Variants in ABCB5 observed in about 807,000 individuals in gnomAD.
The protein encoded by ABCB5 is ATP-binding cassette sub-family B member 5.
ABCB5 carries 155 observed loss-of-function variants against 144.2 expected under a neutral mutation model. The observed-to-expected ratio is 1.08, with a 90% CI of 0.94 to 1.23. The LOEUF is 1.23. Ranked by LOEUF, ABCB5 falls within the 50% of genes most tolerant of loss-of-function variation. The pLI, the probability that ABCB5 is intolerant of heterozygous loss-of-function variation, is 0.00. For synonymous variants in ABCB5, 610 were observed against 528.6 expected (o/e 1.15, Z -2.11); for missense variants, 1,830 against 1,520.8 (o/e 1.20, Z -3.38).
Position 20,700,045 on chromosome 7 carries a change from G to T in ABCB5, c.2260-13G>T. On this transcript the variant is annotated splice_polypyrimidine_tract_variant and intron_variant, in intron 18 of 27. Transcript: ENST00000404938. Reference sequence around the variant, plus strand: ...AGGAAAAGAACGTAGATTTTTGTTTGTTTGCTTTTCAGGGATTATTTTACG... The same window carrying T: ...AGGAAAAGAACGTAGATTTTTGTTTTTTTGCTTTTCAGGGATTATTTTACG... 1 of 1,612,194 alleles carries T rather than the reference G, an allele frequency of 6.2e-7. No homozygotes were observed. The highest frequency in any genetic ancestry group is 8.5e-7 in the Non-Finnish European group (1 of 1,179,164).
intron 22 of ABCB5, 40 bp downstream of exon 22, chr7:20,727,180 G>A (rs779347632): frequency 6.7e-7 from 1 of 1,485,750 alleles, no homozygotes; most frequent in South Asian, 1.2e-5. Context: ...ACTTAATTTT[G>A]TTCTGTAAAG....
chr7:20,704,840 T>C lies in ABCB5; in HGVS notation c.2421+33T>C, dbSNP rs766739404. ...TATTGTTTTTATTGTAAATGATGTA[T>C]GTATGTGGTGTGCACACATGCAATG... On this transcript the variant is annotated intron_variant, in intron 20 of 27. Transcript: ENST00000404938. The C allele has an allele frequency of 3.9e-6, 6 of 1,551,706 alleles. No individual in the cohort carries two copies. The Admixed American group carries it at 8.4e-5, about 22-fold the overall frequency.
intron 16 of ABCB5, among the ~76,000 whole-genome samples, chr7:20,690,104 A>G (rs1314087056): frequency 1.3e-5 from 2 of 152,212 alleles, no homozygotes; most frequent in Non-Finnish European, 2.9e-5. Context: ...TAGATTTCAG[A>G]GCCCATTAAC....
chr7:20,741,100 C>T (rs1262459307), intron 24 of ABCB5, among the ~76,000 whole-genome samples: 92 of 134,366 alleles, frequency 6.8e-4, no homozygotes, highest in Non-Finnish European at 1.2e-3. Flanking sequence ...GAGACTCCTT[C>T]TCAAAAAAAA....
chr7:20,738,859 G>A (rs1782470396), intron 23 of ABCB5, 124 bp from the exon 24 acceptor site: 4 of 1,089,120 alleles, frequency 3.7e-6, no homozygotes, highest in Admixed American at 3.5e-5. Context: ...GGTCTTCAGC[G>A]TTAGGGGTGC....
rs573859288 is a variant in ABCB5 at position 20,705,476 on chromosome 7, G to T, written c.2421+669G>T. ...AAAATTCACCTTTGTACAACAAATG[G>T]GATCTTAACTGAGAAAAGCAGCAGA... On this transcript the variant is annotated intron_variant, in intron 20 of 27. Coordinates refer to ENST00000404938, the MANE Select transcript of ABCB5 (RefSeq NM_001163941.2). 4.0e-4 allele frequency among the ~76,000 whole-genome samples: 61 copies of T among 152,052 alleles called. 1 individual carries two copies. Among genetic ancestry groups the T allele is most frequent in the African/African-American group, 1.4e-3 (57 of 41,492 alleles).
Position 20,643,356 on chromosome 7 carries a change from C to CT in ABCB5, c.489dup (p.Asn164Ter), listed in dbSNP as rs767702759. The CT allele has an allele frequency of 5.6e-6, 9 of 1,613,850 alleles. No homozygotes were observed. The African/African-American group carries it at 1.2e-4, about 22-fold the overall frequency. The stretch of plus-strand genomic sequence containing the variant: ...GTTTGATAGCTGTGACATCGGTGAA[C>CT]TTAACACTCGCATGACAGAGTAAGA... On this transcript the variant is annotated frameshift_variant, in exon 6 of 28. Coordinates refer to ENST00000404938, the MANE Select transcript of ABCB5 (RefSeq NM_001163941.2). LOFTEE classifies it high-confidence loss of function.
chr7:20,682,714 C>T (rs2128039421), intron 15 of ABCB5, among the ~76,000 whole-genome samples: 1 of 152,290 alleles, frequency 6.6e-6, no homozygotes, highest in South Asian at 2.1e-4. Context: ...TCAATAAACA[C>T]TTGCTGAATG....
At position 20,640,821 on chromosome 7, in the gene ABCB5, T is replaced by G. The variant is rs150974510; in HGVS notation, c.315-2363T>G. Among the ~76,000 whole-genome samples, 9 of 152,288 alleles carry G rather than the reference T, an allele frequency of 5.9e-5. No homozygotes were observed. The East Asian group carries it at 1.7e-3, about 29-fold the overall frequency. On this transcript the variant is annotated intron_variant, in intron 5 of 27. Coordinates refer to ENST00000404938, the MANE Select transcript of ABCB5 (RefSeq NM_001163941.2). ...ATAATGAGCATCAATTGTATTTTCC[T>G]CTCCCGTGTTGCTTGGTACTTCACT...
At chr7:20,745,733 C>T (rs571281654) in intron 26 of ABCB5, among the ~76,000 whole-genome samples, 5 of 152,374 alleles carry the variant, frequency 3.3e-5, no homozygotes, top group East Asian at 3.9e-4. Flanking sequence ...CTCCCCGCCA[C>T]GGCGGTAGCC....
At chr7:20,632,192 AT>A (rs1784054778) in intron 5 of ABCB5, 79 bp downstream of exon 5, 1 of 912,694 alleles carries the variant, frequency 1.1e-6, no homozygotes, top group Admixed American at 3.2e-5. Flanking sequence ...AGCAACTGAA[AT>A]TTTGTATGAC....
intron 14 of ABCB5, among the ~76,000 whole-genome samples, chr7:20,665,774 T>A (rs947587629): frequency 2.7e-4 from 36 of 135,466 alleles, no homozygotes; most frequent in African/African-American, 1.1e-3. Flanking sequence ...TAGAGATACA[T>A]ACATACATAC....
chr7:20,711,802 T>C (rs142570826), intron 20 of ABCB5, among the ~76,000 whole-genome samples: 30,628 of 67,124 alleles, frequency 0.46, 7,741 homozygotes, highest in East Asian at 0.65. Flanking sequence ...CTTTCTTTCT[T>C]TCTTTCTTTC....
At position 20,755,601 on chromosome 7, in the gene ABCB5, G is replaced by C; in HGVS notation, c.3751G>C (p.Val1251Leu). The C allele has an allele frequency of 3.1e-6, 5 of 1,614,144 alleles. No homozygotes were observed. Among genetic ancestry groups the C allele is most frequent in the Non-Finnish European group, 4.2e-6 (5 of 1,180,030 alleles). ...AAATCGAGACATATATTTTAAGTTAGTGAATGCACAGTCAGTGCAGTGATG... is the reference window on the plus strand; with the variant it reads ...AAATCGAGACATATATTTTAAGTTACTGAATGCACAGTCAGTGCAGTGATG... ...LRNRDIYFKL[V>L]NAQSVQ Residue 1251 changes from valine to leucine, a missense_variant, in exon 28 of 28, where the codon GTG becomes CTG. Val to Leu is a conservative substitution (Grantham distance 32, BLOSUM62 1). Coordinates refer to ENST00000404938, the MANE Select transcript of ABCB5 (RefSeq NM_001163941.2).
rs748292794 is a variant in ABCB5 at position 20,645,909 on chromosome 7, G to A, written c.803+29G>A. ...TTTCCTTTTAAATATAACAAGATAT[G>A]CTTGGTTTTATTTTCCCCAGTGGCT... On this transcript the variant is annotated intron_variant, in intron 8 of 27. Coordinates refer to ENST00000404938, the MANE Select transcript of ABCB5 (RefSeq NM_001163941.2). 2.5e-6 allele frequency: 4 copies of A among 1,612,578 alleles called. No homozygotes were observed. In the East Asian group the frequency reaches 8.9e-5, roughly 36 times the overall value.
chr7:20,744,135 G>C (rs181745397), intron 25 of ABCB5, among the ~76,000 whole-genome samples: 1 of 152,196 alleles, frequency 6.6e-6, no homozygotes, highest in Non-Finnish European at 1.5e-5. Context: ...CGTGATCTCT[G>C]CTCACTGCAA....
At chr7:20,667,618 T>C in intron 14 of ABCB5, 1 of 876,132 alleles carries the variant, frequency 1.1e-6, no homozygotes, top group Non-Finnish European at 1.4e-6. Flanking sequence ...ATCACGTGGC[T>C]TCATGAATAA....
At chr7:20,734,186 A>C (rs2128053095) in intron 23 of ABCB5, among the ~76,000 whole-genome samples, 1 of 152,122 alleles carries the variant, frequency 6.6e-6, no homozygotes, top group African/African-American at 2.4e-5. Flanking sequence ...AGCTCCCTTT[A>C]GACACACTAA....
intron 14 of ABCB5, among the ~76,000 whole-genome samples, chr7:20,663,295 G>C (rs1466343336): frequency 6.6e-6 from 1 of 152,214 alleles, no homozygotes; most frequent in Non-Finnish European, 1.5e-5. Context: ...TGGTATACTA[G>C]TGTTCATAGT....
Sources: allele counts gnomAD v4.1 joint callset (sites outside exome capture counted in the v4.1 genomes callset), GRCh38; gene constraint gnomAD v4.1.1; transcripts MANE v1.5; gene names NCBI Gene and HGNC (gene_info 2026-07-23, HGNC 2026-07-21).